Variants in CD163L1 observed in about 807,000 individuals in gnomAD.
CD163L1 encodes the protein CD163 molecule like 1.
In CD163L1, 124 loss-of-function variants were observed where a neutral mutation model predicts 165.4. That is an observed-to-expected ratio of 0.75 (90% CI 0.65 to 0.87). CD163L1 has a LOEUF of 0.87. Ranked by LOEUF, CD163L1 falls within the 40% of genes least tolerant of loss-of-function variation. CD163L1 has a pLI of 0.00. For missense variants in CD163L1, 1,525 were observed against 1,799.9 expected, an observed-to-expected ratio of 0.85 and a Z score of 2.76; for synonymous variants, 585 against 662.2, an observed-to-expected ratio of 0.88 and a Z score of 1.79.
chr12:7,334,788 C>A, the CD163L1 span, among the ~76,000 whole-genome samples: 1 of 152,190 alleles, frequency 6.6e-6, no homozygotes, highest in Admixed American at 6.5e-5. Context: ...GCAACTTCAG[C>A]AAAGTATCAG....
rs751493730 is a variant in CD163L1, at chr12:7,396,142, C to A, written c.2003G>T (p.Gly668Val). The A allele has an allele frequency of 3.7e-6, 6 of 1,613,962 alleles. No homozygotes were observed. In the African/African-American group the frequency reaches 8.0e-5, roughly 22 times the overall value. ...TTCACTGTGACTGCAGTCATTATTTCCCCACCCACTGTTCCTGCATGACCA... is the reference window on the plus strand; with the variant it reads ...TTCACTGTGACTGCAGTCATTATTTACCCACCCACTGTTCCTGCATGACCA... ...DLWSCRNSGW[G>V]NNDCSHSEDV... The change falls in exon 8 of 20, where the codon GGA (glycine) becomes GTA (valine). Residue 668 changes from glycine (G) to valine (V), a missense_variant. Coordinates refer to ENST00000313599, the MANE Select transcript of CD163L1 (RefSeq NM_174941.6).
In CD163L1 at chr12:7,398,682, TA is replaced by T; in HGVS notation, c.1409-99del. 1.0e-6 allele frequency: 1 copy of T among 983,818 alleles called. No individual in the cohort carries two copies. The highest frequency in any genetic ancestry group is 1.4e-6 in the Non-Finnish European group (1 of 698,708). 60.9% of individuals were successfully genotyped at this position (983,818 alleles called of 1,614,324 possible). On this transcript the variant is annotated intron_variant, in intron 6 of 19. Coordinates refer to ENST00000313599, the MANE Select transcript of CD163L1 (RefSeq NM_174941.6). The surrounding 1 kb of genome is among the most constrained non-coding windows in gnomAD (Gnocchi z 4.5). ...AAATTCACGACTATAAGGCTTTGCC[TA>T]ACAGGTGATATATTAGGCACACTTT...
At position 7,359,707 on chromosome 12, in the gene CD163L1, A is replaced by G. The variant is rs757849846; in HGVS notation, c.4280-2221T>C. ...GAGAAGAAATAAATACAGGTAAAAT[A>G]AAACTCTTTAAAAAATTTTTACTCT... On this transcript the variant is annotated intron_variant, in intron 18 of 19. Transcript: ENST00000313599. Among the ~76,000 whole-genome samples, 8 of 152,262 alleles carry G rather than the reference A, an allele frequency of 5.3e-5. No homozygotes were observed. The South Asian group carries it at 1.7e-3, about 32-fold the overall frequency.
At chr12:7,383,878 T>A (rs1433871057) in intron 8 of CD163L1, among the ~76,000 whole-genome samples, 1 of 152,126 alleles carries the variant, frequency 6.6e-6, no homozygotes. Context: ...GATGCACAGA[T>A]ATCAATGTAA....
chr12:7,399,515 C>CTTCCTCCCTTTCCCTTCTTTCCTT (rs1947872516), intron 6 of CD163L1, among the ~76,000 whole-genome samples: 4 of 13,220 alleles, frequency 3.0e-4, no homozygotes, highest in East Asian at 2.4e-3. Flanking sequence ...CTCCCTCCCT[C>CTTCCTCCCTTTCCCTTCTTTCCTT]CCTCTCTTTC....
chr12:7,385,218 A>G (rs1448784930), intron 8 of CD163L1, among the ~76,000 whole-genome samples: 1 of 151,510 alleles, frequency 6.6e-6, no homozygotes, highest in Non-Finnish European at 1.5e-5. Flanking sequence ...CTATATTTAT[A>G]TCAGATAAAG....
chr12:7,413,214 G>A (rs959701403), intron 4 of CD163L1, among the ~76,000 whole-genome samples: 2 of 151,890 alleles, frequency 1.3e-5, no homozygotes, highest in African/African-American at 4.8e-5. Flanking sequence ...TCTTCTAAGT[G>A]GCACAGCTAT....
downstream of CD163L1, among the ~76,000 whole-genome samples, chr12:7,345,980 A>G (rs964887969): frequency 2.0e-5 from 3 of 152,140 alleles, no homozygotes; most frequent in Non-Finnish European, 4.4e-5. Flanking sequence ...GACATGAAGG[A>G]TCTGTGCCTA....
Position 7,378,645 on chromosome 12 carries a change from A to G in CD163L1, c.2371+333T>C, listed in dbSNP as rs139439302. Among the ~76,000 whole-genome samples, 73 of 152,156 alleles carry G rather than the reference A, an allele frequency of 4.8e-4. 1 individual carries two copies. The highest frequency in any genetic ancestry group is 1.5e-3 in the African/African-American group (61 of 41,510). On this transcript the variant is annotated intron_variant, in intron 9 of 19. Coordinates refer to ENST00000313599, the MANE Select transcript of CD163L1 (RefSeq NM_174941.6). ...TACTGTTTAAATTAATCTTCCCAAC[A>G]CTTCTTCATATGATTAAATCTTACC...
chr12:7,432,504 C>G lies in CD163L1; in HGVS notation c.678G>C (p.Gly226=). The G allele has an allele frequency of 3.1e-6, 5 of 1,614,092 alleles. No homozygotes were observed. The highest frequency in any genetic ancestry group is 4.2e-6 in the Non-Finnish European group (5 of 1,179,964). ...PIWLDDILCQ[G]NELALWNCRH... Reference sequence around the variant, plus strand: ...TGCAATTCCAGAGTGCCAACTCATTCCCCTGGCATAAAATGTCATCCAGCC... The same window carrying G: ...TGCAATTCCAGAGTGCCAACTCATTGCCCTGGCATAAAATGTCATCCAGCC... The change falls in exon 4 of 20, where the codon GGG becomes GGC. Residue 226 remains glycine, a synonymous_variant. Coordinates refer to ENST00000313599, the MANE Select transcript of CD163L1 (RefSeq NM_174941.6). The surrounding 1 kb of genome is among the most constrained non-coding windows in gnomAD (Gnocchi z 4.2).
chr12:7,333,568 A>G, the CD163L1 span, among the ~76,000 whole-genome samples: 1 of 152,360 alleles, frequency 6.6e-6, no homozygotes, highest in Non-Finnish European at 1.5e-5. Flanking sequence ...CCCTAACATG[A>G]CAATTAAAAG....
chr12:7,320,785 G>A, the CD163L1 span: 40 of 1,613,328 alleles, frequency 2.5e-5, no homozygotes, highest in South Asian at 3.3e-4. Flanking sequence ...CCGGATGCTC[G>A]TGCAAAAAGA....
At chr12:7,425,703 T>C (rs1051401946) in intron 4 of CD163L1, among the ~76,000 whole-genome samples, 4 of 152,126 alleles carry the variant, frequency 2.6e-5, no homozygotes, top group Non-Finnish European at 5.9e-5. Flanking sequence ...CACATAAATG[T>C]CTTCAACAAA....
chr12:7,379,155 C>A lies in CD163L1; in HGVS notation c.2194G>T (p.Glu732Ter). 6.2e-7 allele frequency: 1 copy of A among 1,614,140 alleles called. No homozygotes were observed. The highest frequency in any genetic ancestry group is 8.5e-7 in the Non-Finnish European group (1 of 1,180,012). ...NIAEVVCRQL[E>*]CGSAIRVSRE... ...GAGACCCTGATTGCAGACCCACATT[C>A]AAGTTGCCTGCAAACAACTTCAGCA... Residue 732 changes from glutamate (E) to a stop codon, truncating the protein, a stop_gained, in exon 9 of 20, where the codon GAA (glutamate) becomes TAA (stop). Transcript: ENST00000313599. LOFTEE classifies it high-confidence loss of function.
chr12:7,327,069 A>G, the CD163L1 span: 3 of 1,609,210 alleles, frequency 1.9e-6, no homozygotes, highest in African/African-American at 2.7e-5. Context: ...GAAAAAATCA[A>G]CTGCACCTTA....
At chr12:7,438,941 G>A (rs996083977) in intron 2 of CD163L1, 14 of 1,606,580 alleles carry the variant, frequency 8.7e-6, no homozygotes, top group Non-Finnish European at 1.2e-5. Flanking sequence ...CTCTAAGAAT[G>A]CGTTCTTGTT....
chr12:7,408,891 A>G (rs1167029111), intron 4 of CD163L1, among the ~76,000 whole-genome samples: 1 of 152,222 alleles, frequency 6.6e-6, no homozygotes, highest in African/African-American at 2.4e-5. Flanking sequence ...AAAGGGAGAT[A>G]GCCAACGCCC....
intron 8 of CD163L1, among the ~76,000 whole-genome samples, chr12:7,383,257 C>T (rs1199870446): frequency 6.6e-6 from 1 of 152,162 alleles, no homozygotes. Flanking sequence ...TGAGGACAGA[C>T]CTGCACTGCT....
At position 7,373,607 on chromosome 12, in the gene CD163L1, T is replaced by G. The variant is rs1421924463; in HGVS notation, c.3443A>C (p.Glu1148Ala). 1.2e-6 allele frequency: 2 copies of G among 1,610,776 alleles called. No homozygotes were observed. The highest frequency in any genetic ancestry group is 1.7e-6 in the Non-Finnish European group (2 of 1,177,382). The change falls in exon 14 of 20, where the codon GAA becomes GCA. Residue 1148 changes from glutamate (E) to alanine (A), a missense_variant. Glu to Ala is a moderately radical substitution (Grantham distance 107, BLOSUM62 -1). Transcript: ENST00000313599. Reference sequence around the variant, plus strand: ...CAATCTCCCAGCACAGCTCTCTGTTTCAGTTTCACTGTAGAGCCTCAAGGC... The same window carrying G: ...CAATCTCCCAGCACAGCTCTCTGTTGCAGTTTCACTGTAGAGCCTCAAGGC... ...FTALRLYSETETESCAGRLEV... is the reference protein window; with the variant it reads ...FTALRLYSETATESCAGRLEV...
Sources: allele counts gnomAD v4.1 joint callset (sites outside exome capture counted in the v4.1 genomes callset), GRCh38; gene constraint gnomAD v4.1.1; non-coding constraint Gnocchi (gnomAD v3.1); transcripts MANE v1.5; gene names NCBI Gene and HGNC (gene_info 2026-07-23, HGNC 2026-07-21).